The following SELP variants were observed in gnomAD, a reference collection of about 807,000 sequenced individuals.
SELP encodes the protein P-selectin.
Under a neutral mutation model 104.1 loss-of-function variants are expected in SELP, and 92 were observed. The observed-to-expected ratio is 0.88, with a 90% CI of 0.75 to 1.05. The LOEUF (loss-of-function observed/expected upper bound fraction) is 1.05. SELP is among the 50% of genes least tolerant of loss of function. SELP has a pLI of 0.00. For synonymous variants in SELP, 397 were observed against 364.5 expected (o/e 1.09, Z -1.01); for missense variants, 1,022 against 1,017.3 (o/e 1.00, Z -0.06).
intron 9 of SELP, among the ~76,000 whole-genome samples, chr1:169,604,005 A>G (rs531384101): frequency 6.6e-6 from 1 of 152,338 alleles, no homozygotes; most frequent in Non-Finnish European, 1.5e-5. Flanking sequence ...TTCTAGTTCC[A>G]GATCCCTGAG....
At position 169,611,499 on chromosome 1, in the gene SELP, G is replaced by C. The variant is rs746113322; in HGVS notation, c.1140C>G (p.Thr380=). The C allele has an allele frequency of 1.2e-6, 2 of 1,613,780 alleles. No homozygotes were observed. Among genetic ancestry groups the C allele is most frequent in the Admixed American group, 1.7e-5 (1 of 59,980 alleles). ...GCTAATGAAAAATCCTACCCTCACA[G>C]GTTGGCAAGGGTGCAGACCAGTGTC... ...DSGHWSAPLP[T]CEAISCEPLE... The change falls in exon 7 of 17, where the codon ACC becomes ACG. Residue 380 remains threonine (T), a synonymous_variant. Coordinates refer to ENST00000263686, the MANE Select transcript of SELP (RefSeq NM_003005.4).
intron 9 of SELP, among the ~76,000 whole-genome samples, chr1:169,605,416 GTTCA>G (rs3917762): frequency 0.32 from 46,998 of 148,318 alleles, 9,333 homozygotes; most frequent in African/African-American, 0.56. Context: ...TTGTCCATTT[GTTCA>G]TTCATTCATT....
At position 169,603,008 on chromosome 1, in the gene SELP, G is replaced by T; in HGVS notation, c.1705+18C>A. 6.3e-7 allele frequency: 1 copy of T among 1,598,836 alleles called. No homozygotes were observed. Among genetic ancestry groups the T allele is most frequent in the South Asian group, 1.1e-5 (1 of 89,396 alleles). On this transcript the variant is annotated intron_variant, in intron 10 of 16. Coordinates refer to ENST00000263686, the MANE Select transcript of SELP (RefSeq NM_003005.4). Reference sequence around the variant, plus strand: ...TGTCATCTTTAAAGCCATAAGAAAGGACAGACCCACAGCCTACCTTCACAC... The same window carrying T: ...TGTCATCTTTAAAGCCATAAGAAAGTACAGACCCACAGCCTACCTTCACAC...
Position 169,595,912 on chromosome 1 carries a change from CT to C in SELP, c.2101+12del. On this transcript the variant is annotated intron_variant, in intron 12 of 16. Transcript: ENST00000263686. ...AAGGCAGGTTCAGAACTGCCTGCTC[CT>C]TTTCACCTTACCTCTGCATGCTGGA... is the stretch of plus-strand genomic sequence containing the variant. The C allele has an allele frequency of 1.2e-6, 2 of 1,612,392 alleles. No individual in the cohort carries two copies. Among genetic ancestry groups the C allele is most frequent in the Non-Finnish European group, 1.7e-6 (2 of 1,179,308 alleles).
intron 1 of SELP, among the ~76,000 whole-genome samples, chr1:169,628,269 G>A (rs1490245262): frequency 1.3e-5 from 2 of 152,182 alleles, no homozygotes; most frequent in African/African-American, 4.8e-5. Context: ...ACTCCTCTGA[G>A]ATCTATCTGA....
In SELP at chr1:169,627,685, T is replaced by C. The variant is rs182973324; in HGVS notation, c.3+2387A>G. 2.5e-3 allele frequency among the ~76,000 whole-genome samples: 375 copies of C among 152,274 alleles called. 2 individuals carry two copies. The highest frequency in any genetic ancestry group is 8.7e-3 in the African/African-American group (361 of 41,566). ...TTTTTATGTAGTAAGTCATTTTGATTTTTGAGGATTTGATCAATAAGCTTC... is the reference window on the plus strand; with the variant it reads ...TTTTTATGTAGTAAGTCATTTTGATCTTTGAGGATTTGATCAATAAGCTTC... On this transcript the variant is annotated intron_variant, in intron 1 of 16. Transcript: ENST00000263686.
intron 10 of SELP, among the ~76,000 whole-genome samples, chr1:169,599,161 T>A (rs1049341969): frequency 7.9e-5 from 12 of 151,838 alleles, no homozygotes; most frequent in Non-Finnish European, 1.8e-4. Flanking sequence ...CCTAGATGAG[T>A]TACATGGAAG....
At chr1:169,590,651 T>C (rs1055227625) in intron 15 of SELP, among the ~76,000 whole-genome samples, 4 of 152,164 alleles carry the variant, frequency 2.6e-5, no homozygotes, top group African/African-American at 9.6e-5. Context: ...ATAGAGTTCA[T>C]ATAAGGATTT....
Position 169,593,660 on chromosome 1 carries a change from A to C in SELP, c.2352T>G (p.Gly784=), listed in dbSNP as rs1293333979. Reference sequence around the variant, plus strand: ...CCAGGAGCGTCCCACCCATTATCAGACCTATCGTAGAAGCCACCGCTCCAC... The same window carrying C: ...CCAGGAGCGTCCCACCCATTATCAGCCCTATCGTAGAAGCCACCGCTCCAC... The part of the protein sequence containing the change: ...YFGGAVASTI[G]LIMGGTLLAL... Residue 784 remains glycine (G), a synonymous_variant, in exon 14 of 17, where the codon GGT becomes GGG. Transcript: ENST00000263686. 1 of 1,613,288 alleles carries C rather than the reference A, an allele frequency of 6.2e-7. No individual in the cohort carries two copies. Among genetic ancestry groups the C allele is most frequent in the Non-Finnish European group, 8.5e-7 (1 of 1,179,532 alleles).
chr1:169,612,386 G>A lies in SELP; in HGVS notation c.792C>T (p.Pro264=). 5 of 1,614,016 alleles carry A rather than the reference G, an allele frequency of 3.1e-6. No homozygotes were observed. Among genetic ancestry groups the A allele is most frequent in the South Asian group, 1.1e-5 (1 of 91,068 alleles). The change falls in exon 6 of 17, where the codon CCC becomes CCT. Residue 264 remains proline, a synonymous_variant. Coordinates refer to ENST00000263686, the MANE Select transcript of SELP (RefSeq NM_003005.4). ...TGTTTCCTCGTTCAGGAATCTTCAG[G>A]GGTGGGCACTGGGCAGCTAAAACCA... ...PPQCLAAQCP[P]LKIPERGNMT...
At chr1:169,618,582 AC>A (rs1269279368) in intron 2 of SELP, among the ~76,000 whole-genome samples, 10 of 151,850 alleles carry the variant, frequency 6.6e-5, no homozygotes, top group Non-Finnish European at 1.3e-4. Flanking sequence ...TTTCTATCCA[AC>A]CCTCTCCTCT....
chr1:169,618,265 T>C (rs1337781912), intron 2 of SELP, among the ~76,000 whole-genome samples: 1 of 152,220 alleles, frequency 6.6e-6, no homozygotes, highest in Non-Finnish European at 1.5e-5. Flanking sequence ...TCAGATATCC[T>C]GATCTGCAAT....
chr1:169,599,288 T>C (rs1661781039), intron 10 of SELP, among the ~76,000 whole-genome samples: 1 of 151,188 alleles, frequency 6.6e-6, no homozygotes, highest in Non-Finnish European at 1.5e-5. Context: ...AAAAGAGTTA[T>C]ACCCAGGAAT....
chr1:169,612,356 G>A lies in SELP; in HGVS notation c.822C>T (p.Thr274=). 1 of 1,614,150 alleles carries A rather than the reference G, an allele frequency of 6.2e-7. No individual in the cohort carries two copies. The highest frequency in any genetic ancestry group is 8.5e-7 in the Non-Finnish European group (1 of 1,180,006). The change falls in exon 6 of 17, where the codon ACC becomes ACT. Residue 274 remains threonine (T), a synonymous_variant. Coordinates refer to ENST00000263686, the MANE Select transcript of SELP (RefSeq NM_003005.4). ...GGAATGCTTTTGCAGAATGAAGGCA[G>A]GTCATGTTTCCTCGTTCAGGAATCT... is the stretch of plus-strand genomic sequence containing the variant. ...PLKIPERGNM[T]CLHSAKAFQH...
intron 1 of SELP, among the ~76,000 whole-genome samples, chr1:169,624,352 C>G (rs1235054326): frequency 1.3e-5 from 2 of 152,284 alleles, no homozygotes; most frequent in South Asian, 4.1e-4. Flanking sequence ...AAGGCTGGTT[C>G]AACTGGAAGT....
chr1:169,592,400 G>A (rs1322336343), intron 14 of SELP, among the ~76,000 whole-genome samples: 3 of 152,180 alleles, frequency 2.0e-5, no homozygotes, highest in African/African-American at 7.2e-5. Context: ...GTCAACAATA[G>A]AGAAATTCAA....
At chr1:169,616,266 A>G (rs1309433176) in intron 3 of SELP, among the ~76,000 whole-genome samples, 2 of 152,228 alleles carry the variant, frequency 1.3e-5, no homozygotes, top group Non-Finnish European at 2.9e-5. Flanking sequence ...ACTATAAAGC[A>G]TTTACAATCC....
In SELP at chr1:169,613,689, G is replaced by A. The variant is rs562043640; in HGVS notation, c.486C>T (p.Ser162=). 1.2e-6 allele frequency: 2 copies of A among 1,613,606 alleles called. No individual in the cohort carries two copies. Among genetic ancestry groups the A allele is most frequent in the African/African-American group, 1.3e-5 (1 of 75,056 alleles). ...GTTTGCTGCAGGACATGTCCTGGCA[G>A]GAGGCTGCATAGATATGGAAAGGTC... ...KKKHALCYTA[S]CQDMSCSKQG... Residue 162 remains serine (S), a synonymous_variant, in exon 4 of 17, where the codon TCC becomes TCT. Transcript: ENST00000263686.
intron 10 of SELP, among the ~76,000 whole-genome samples, chr1:169,600,020 G>T (rs754888346): frequency 3.9e-5 from 6 of 152,192 alleles, no homozygotes; most frequent in Non-Finnish European, 8.8e-5. Context: ...GCAGGGACAG[G>T]AGGGATACGG....
Sources: allele counts gnomAD v4.1 joint callset (sites outside exome capture counted in the v4.1 genomes callset), GRCh38; gene constraint gnomAD v4.1.1; transcripts MANE v1.5; gene names NCBI Gene and HGNC (gene_info 2026-07-23, HGNC 2026-07-21).